The following CDKAL1 variants were observed in gnomAD, a reference collection of about 807,000 sequenced individuals.
CDKAL1 encodes threonylcarbamoyladenosine tRNA methylthiotransferase.
CDKAL1 carries 32 observed loss-of-function variants against 68.2 expected under a neutral mutation model. That is an observed-to-expected ratio of 0.47 (90% CI 0.35 to 0.63). The LOEUF is 0.63. Among genes scored for constraint, CDKAL1 ranks in the 30% least tolerant of loss-of-function variants. CDKAL1 has a pLI of 0.00. For synonymous variants in CDKAL1, 234 were observed against 244.3 expected, an observed-to-expected ratio of 0.96 and a Z score of 0.39; for missense variants, 606 against 696.7, an observed-to-expected ratio of 0.87 and a Z score of 1.47.
At chr6:20,540,877 C>A (rs549191483) in intron 2 of CDKAL1, among the ~76,000 whole-genome samples, 2 of 152,130 alleles carry the variant, frequency 1.3e-5, no homozygotes, top group African/African-American at 4.8e-5. Flanking sequence ...TAAGCATAGA[C>A]GTAGTTCATA....
chr6:20,847,470 C>T (rs1171099279), intron 9 of CDKAL1, among the ~76,000 whole-genome samples: 2 of 152,194 alleles, frequency 1.3e-5, no homozygotes, highest in Non-Finnish European at 2.9e-5. Context: ...GATGATCTAT[C>T]TACCAAACAC....
intron 6 of CDKAL1, among the ~76,000 whole-genome samples, chr6:20,744,238 A>T (rs986238300): frequency 6.6e-6 from 1 of 152,148 alleles, no homozygotes; most frequent in African/African-American, 2.4e-5. Context: ...TGTTGGCAGA[A>T]AGTTTCTTTT....
At chr6:20,811,580 T>A (rs1299852639) in intron 8 of CDKAL1, among the ~76,000 whole-genome samples, 1 of 152,180 alleles carries the variant, frequency 6.6e-6, no homozygotes, top group Non-Finnish European at 1.5e-5. Context: ...TATCCCCAGA[T>A]TGTGTTGTAA....
intron 4 of CDKAL1, among the ~76,000 whole-genome samples, chr6:20,616,998 C>A: frequency 6.7e-6 from 1 of 150,324 alleles, no homozygotes; most frequent in Admixed American, 6.7e-5. Flanking sequence ...TGTGATTGCA[C>A]CACTGCACTC....
intron 9 of CDKAL1, among the ~76,000 whole-genome samples, chr6:20,886,394 C>A (rs1435169733): frequency 2.6e-5 from 4 of 152,132 alleles, no homozygotes; most frequent in Non-Finnish European, 1.5e-5. Flanking sequence ...TAGGTATATG[C>A]TCCAAAGAAT....
intron 8 of CDKAL1, among the ~76,000 whole-genome samples, chr6:20,827,427 AT>A (rs1777544747): frequency 6.6e-6 from 1 of 152,212 alleles, no homozygotes; most frequent in East Asian, 1.9e-4. Context: ...TTGTGTTACA[AT>A]TTTTTTAACA....
chr6:20,963,228 C>G (rs1177971921), intron 10 of CDKAL1, among the ~76,000 whole-genome samples: 2 of 152,014 alleles, frequency 1.3e-5, no homozygotes, highest in African/African-American at 4.8e-5. Context: ...AAATTATAGG[C>G]TCTACCTAAC....
At chr6:20,991,988 T>G (rs1471674346) in intron 10 of CDKAL1, among the ~76,000 whole-genome samples, 1 of 150,078 alleles carries the variant, frequency 6.7e-6, no homozygotes, top group Non-Finnish European at 1.5e-5. Flanking sequence ...GATTCTTAAT[T>G]TAAGGAATTT....
Position 20,819,884 on chromosome 6 carries a change from C to T in CDKAL1, c.639-26191C>T, listed in dbSNP as rs115992541. The stretch of plus-strand genomic sequence containing the variant: ...TATTTAAGAAATACATTGTGGGCCA[C>T]ACCCTCAGCTAGAAGCTTCACAGAG... On this transcript the variant is annotated intron_variant, in intron 8 of 15. Coordinates refer to ENST00000274695, the MANE Select transcript of CDKAL1 (RefSeq NM_017774.3). 2.3e-3 allele frequency among the ~76,000 whole-genome samples: 347 copies of T among 152,198 alleles called. 2 individuals are homozygous for T. Among genetic ancestry groups the T allele is most frequent in the Admixed American group, 6.0e-3 (92 of 15,282 alleles).
intron 8 of CDKAL1, among the ~76,000 whole-genome samples, chr6:20,800,895 T>C (rs960385366): frequency 6.6e-6 from 1 of 152,122 alleles, no homozygotes; most frequent in Non-Finnish European, 1.5e-5. Context: ...ATTATAGGCA[T>C]GAGCCACCAC....
chr6:20,537,604 C>T (rs1763225439), intron 2 of CDKAL1, among the ~76,000 whole-genome samples: 1 of 126,382 alleles, frequency 7.9e-6, no homozygotes, highest in Non-Finnish European at 1.6e-5. Context: ...GAAACTCTGT[C>T]TCATAATTAC....
intron 9 of CDKAL1, among the ~76,000 whole-genome samples, chr6:20,923,146 C>A (rs1763034012): frequency 1.3e-5 from 2 of 152,056 alleles, no homozygotes; most frequent in African/African-American, 4.8e-5. Context: ...GTCTTGAACT[C>A]CTGGGCTCAA....
At chr6:20,734,076 G>A (rs143285461) in intron 5 of CDKAL1, among the ~76,000 whole-genome samples, 123 of 151,414 alleles carry the variant, frequency 8.1e-4, no homozygotes, top group African/African-American at 2.9e-3. Flanking sequence ...TTGAACCTGG[G>A]AGATAGAGGT....
At chr6:20,821,713 AGAG>A (rs1490278382) in intron 8 of CDKAL1, among the ~76,000 whole-genome samples, 1 of 152,084 alleles carries the variant, frequency 6.6e-6, no homozygotes, top group African/African-American at 2.4e-5. Flanking sequence ...GGAGGAGGTG[AGAG>A]GAGATGTAAT....
chr6:21,173,732 C>T (rs551342948), intron 13 of CDKAL1, among the ~76,000 whole-genome samples: 2 of 152,246 alleles, frequency 1.3e-5, no homozygotes, highest in African/African-American at 4.8e-5. Flanking sequence ...AACTGAAAAA[C>T]TAATAAGACC....
At chr6:20,949,544 C>T (rs780644355) in intron 9 of CDKAL1, among the ~76,000 whole-genome samples, 9 of 152,066 alleles carry the variant, frequency 5.9e-5, no homozygotes, top group Non-Finnish European at 1.2e-4. Flanking sequence ...TTACTGAAAG[C>T]GATCCCATCA....
intron 10 of CDKAL1, among the ~76,000 whole-genome samples, chr6:20,970,594 T>G (rs889978062): frequency 1.3e-5 from 2 of 152,178 alleles, no homozygotes; most frequent in Non-Finnish European, 2.9e-5. Context: ...GTGCTGCATG[T>G]CAAAGGTGCA....
Position 21,065,058 on chromosome 6 carries a change from A to C in CDKAL1, c.1066A>C (p.Ile356Leu). ...CTTGTTATTTTCTAGAGTTCCTGGA[A>C]TAACTATTGCTACAGATATTATCTG... is the stretch of plus-strand genomic sequence containing the variant. Reference protein sequence around the residue: ...VDFLKEKVPGITIATDIICGF... With the variant: ...VDFLKEKVPGLTIATDIICGF... Residue 356 changes from isoleucine (I) to leucine (L), a missense_variant, in exon 12 of 16, where the codon ATA (isoleucine) becomes CTA (leucine). Coordinates refer to ENST00000274695, the MANE Select transcript of CDKAL1 (RefSeq NM_017774.3). 1 of 1,546,852 alleles carries C rather than the reference A, an allele frequency of 6.5e-7. No individual in the cohort carries two copies. The highest frequency in any genetic ancestry group is 8.7e-7 in the Non-Finnish European group (1 of 1,148,408).
At chr6:20,801,669 C>T (rs776440423) in intron 8 of CDKAL1, among the ~76,000 whole-genome samples, 19 of 152,104 alleles carry the variant, frequency 1.2e-4, no homozygotes, top group Admixed American at 2.6e-4. Flanking sequence ...TCGACAAATG[C>T]GTATGCCTGT....
Sources: gnomAD v4.1 joint callset for allele counts (sites outside exome capture counted in the v4.1 genomes callset) on GRCh38, gnomAD v4.1.1 for gene constraint, MANE v1.5 for transcripts, NCBI Gene and HGNC (gene_info 2026-07-23, HGNC 2026-07-21) for gene names.